The following NETO1 variants were observed in gnomAD, a reference collection of about 807,000 sequenced individuals.
NETO1 encodes the protein neuropilin and tolloid-like protein 1.
A neutral mutation model predicts 61.3 loss-of-function variants in NETO1; 26 were observed. The ratio of observed to expected loss-of-function variants is 0.42; its 90% confidence interval spans 0.31 to 0.59. The LOEUF is 0.59. Ranked by LOEUF, NETO1 falls within the 20% of genes least tolerant of loss-of-function variation. The pLI is 0.12. For missense variants in NETO1, 531 were observed against 662.8 expected, an observed-to-expected ratio of 0.80 and a Z score of 2.18; for synonymous variants, 225 against 225.8, an observed-to-expected ratio of 1.00 and a Z score of 0.03.
intron 4 of NETO1, among the ~76,000 whole-genome samples, chr18:72,829,301 T>G (rs1014101145): frequency 6.6e-6 from 1 of 152,126 alleles, no homozygotes; most frequent in Admixed American, 6.5e-5. Context: ...AATGCAAACT[T>G]TCCTCAAGCT....
chr18:72,824,618 A>T (rs945859799), intron 4 of NETO1, among the ~76,000 whole-genome samples: 3 of 151,976 alleles, frequency 2.0e-5, no homozygotes. Context: ...TAATTCCAAC[A>T]CTTTGGGAGG....
At chr18:72,804,648 T>C (rs190597617) in intron 4 of NETO1, among the ~76,000 whole-genome samples, 5 of 152,344 alleles carry the variant, frequency 3.3e-5, no homozygotes, top group East Asian at 3.9e-4. Flanking sequence ...TTACAACTCA[T>C]GTATGCCATT....
intron 4 of NETO1, among the ~76,000 whole-genome samples, chr18:72,847,193 C>A (rs2074115073): frequency 6.6e-6 from 1 of 152,216 alleles, no homozygotes; most frequent in Non-Finnish European, 1.5e-5. Context: ...AATATATCCT[C>A]CTGCTTTAAA....
intron 4 of NETO1, among the ~76,000 whole-genome samples, chr18:72,799,771 T>A (rs1420118134): frequency 6.6e-6 from 1 of 152,252 alleles, no homozygotes; most frequent in South Asian, 2.1e-4. Flanking sequence ...TTTCCCAATG[T>A]AGATCACTGG....
Position 72,744,688 on chromosome 18 carries a change from C to T in NETO1, c.*3491G>A, listed in dbSNP as rs1396613222. On this transcript the variant is annotated 3_prime_UTR_variant, in exon 11 of 11. Transcript: ENST00000327305. ...TTAAAAATGTTGTTTATTTAACTTC[C>T]CTTCAGAGAGGGAATCTGACATGAC... 2 of 152,110 alleles carry T rather than the reference C, an allele frequency of 1.3e-5. No individual in the cohort carries two copies. Among genetic ancestry groups the T allele is most frequent in the African/African-American group, 2.4e-5 (1 of 41,430 alleles). The allele number at this position is 152,110 out of a possible 1,614,324, so 9.4% of individuals were successfully genotyped here. A position where few individuals can be genotyped will look rare whatever the true frequency, so the allele number is the denominator to read the frequency against.
intron 2 of NETO1, 63 bp from the exon 3 acceptor site, chr18:72,865,008 T>C: frequency 7.2e-6 from 11 of 1,532,282 alleles, no homozygotes; most frequent in Non-Finnish European, 9.7e-6. Context: ...GTACTAAAAA[T>C]AGAGGACATT....
intron 8 of NETO1, among the ~76,000 whole-genome samples, chr18:72,752,642 A>G (rs1487319331): frequency 6.7e-6 from 1 of 148,484 alleles, no homozygotes; most frequent in Non-Finnish European, 1.5e-5. Context: ...TATATATAGG[A>G]AAAAAAAAAG....
chr18:72,811,588 G>C (rs921384826), intron 4 of NETO1, among the ~76,000 whole-genome samples: 2 of 152,162 alleles, frequency 1.3e-5, no homozygotes, highest in African/African-American at 4.8e-5. Flanking sequence ...AGGATCTTTT[G>C]AGATCAGGAG....
intron 1 of NETO1, 157 bp downstream of exon 1, chr18:72,867,107 T>C: frequency 1.9e-6 from 1 of 530,752 alleles, no homozygotes; most frequent in South Asian, 3.8e-5. Flanking sequence ...GGTTCCACGA[T>C]GCTGCAATAC....
At chr18:72,846,871 T>C (rs1377704840) in intron 4 of NETO1, among the ~76,000 whole-genome samples, 1 of 152,226 alleles carries the variant, frequency 6.6e-6, no homozygotes, top group Non-Finnish European at 1.5e-5. Flanking sequence ...CATCTGTGCC[T>C]TCCTATTTCA....
At chr18:72,800,489 C>A (rs184922011) in intron 4 of NETO1, among the ~76,000 whole-genome samples, 35 of 152,240 alleles carry the variant, frequency 2.3e-4, no homozygotes, top group African/African-American at 8.2e-4. Context: ...CCCATAACCC[C>A]TAGATGAGAC....
intron 4 of NETO1, among the ~76,000 whole-genome samples, chr18:72,846,504 C>CAA (rs35252443): frequency 0.038 from 491 of 12,996 alleles, 150 homozygotes; most frequent in African/African-American, 0.11. Context: ...GACTTCATCT[C>CAA]AAAAAAAAAA....
At chr18:72,801,182 C>G (rs572608177) in intron 4 of NETO1, among the ~76,000 whole-genome samples, 167 of 152,232 alleles carry the variant, frequency 1.1e-3, no homozygotes, top group African/African-American at 3.9e-3. Flanking sequence ...ATTGGAAATG[C>G]GAAACTCCGT....
intron 7 of NETO1, among the ~76,000 whole-genome samples, chr18:72,760,025 G>A (rs901431959): frequency 2.0e-5 from 3 of 152,118 alleles, no homozygotes; most frequent in East Asian, 3.9e-4. Flanking sequence ...TAGATGGAAC[G>A]ATTTGCTATT....
At chr18:72,836,277 C>T (rs1248151432) in intron 4 of NETO1, among the ~76,000 whole-genome samples, 1 of 152,142 alleles carries the variant, frequency 6.6e-6, no homozygotes, top group Non-Finnish European at 1.5e-5. Flanking sequence ...TGGTTGACTT[C>T]CATCAACCTA....
At chr18:72,812,042 A>G (rs1378328240) in intron 4 of NETO1, among the ~76,000 whole-genome samples, 1 of 152,332 alleles carries the variant, frequency 6.6e-6, no homozygotes, top group South Asian at 2.1e-4. Flanking sequence ...TAAAACCGCA[A>G]TTGTAAGTGT....
At chr18:72,794,289 A>G (rs1599012655) in intron 5 of NETO1, 45 bp from the exon 6 acceptor site, 1 of 1,613,988 alleles carries the variant, frequency 6.2e-7, no homozygotes, top group African/African-American at 1.3e-5. Context: ...CGGAGCTTGA[A>G]TAATAAACCA....
At chr18:72,865,534 T>C (rs2074708915) in intron 1 of NETO1, 1 of 1,595,760 alleles carries the variant, frequency 6.3e-7, no homozygotes, top group African/African-American at 1.3e-5. Flanking sequence ...TCACACACAG[T>C]ACAGTGGGAC....
intron 4 of NETO1, among the ~76,000 whole-genome samples, chr18:72,802,480 A>G (rs2145137338): frequency 2.0e-5 from 3 of 152,358 alleles, no homozygotes; most frequent in Admixed American, 2.0e-4. Context: ...CTAAAAAATG[A>G]ACGGATGTAC....
Sources: allele counts gnomAD v4.1 joint callset (sites outside exome capture counted in the v4.1 genomes callset), GRCh38; gene constraint gnomAD v4.1.1; transcripts MANE v1.5; gene names NCBI Gene and HGNC (gene_info 2026-07-23, HGNC 2026-07-21).